CAPN7: variants seen among roughly 807,000 people sequenced by gnomAD.
CAPN7 encodes calpain-7.
CAPN7 carries 72 observed loss-of-function variants against 115.2 expected under a neutral mutation model. The ratio of observed to expected loss-of-function variants is 0.63; its 90% confidence interval spans 0.52 to 0.76. The LOEUF is 0.76. Among genes scored for constraint, CAPN7 ranks in the 30% least tolerant of loss-of-function variants. The probability of loss-of-function intolerance (pLI) is 0.00; values close to 1 mark genes in which losing one functional copy is unlikely to be tolerated. For synonymous variants in CAPN7, 344 were observed against 322.3 expected (o/e 1.07, Z -0.72); for missense variants, 905 against 971.5 (o/e 0.93, Z 0.91).
intron 2 of CAPN7, 32 bp downstream of exon 2, chr3:15,212,244 A>C: frequency 2.4e-6 from 3 of 1,258,860 alleles, no homozygotes; most frequent in African/African-American, 1.5e-5. Flanking sequence ...TTGTCACTCT[A>C]TTTTTTCTTT....
intron 2 of CAPN7, among the ~76,000 whole-genome samples, chr3:15,215,028 A>G (rs1189731056): frequency 6.6e-6 from 1 of 152,262 alleles, no homozygotes; most frequent in East Asian, 1.9e-4. Context: ...AGGCTGAGAA[A>G]CACTGGGCTA....
chr3:15,249,160 A>G (rs1242456362), intron 19 of CAPN7, among the ~76,000 whole-genome samples: 2 of 152,176 alleles, frequency 1.3e-5, no homozygotes, highest in East Asian at 1.9e-4. Context: ...CTATTTTTCC[A>G]CAAGAAAGTC....
At chr3:15,211,943 G>C (rs1028418974) in intron 1 of CAPN7, among the ~76,000 whole-genome samples, 161 bp from the exon 2 acceptor site, 11 of 152,030 alleles carry the variant, frequency 7.2e-5, no homozygotes, top group African/African-American at 2.7e-4. Context: ...GAAAACATTG[G>C]AAGATTGTAT....
chr3:15,241,733 C>T (rs1247745801), intron 15 of CAPN7, 145 bp downstream of exon 15: 2 of 655,192 alleles, frequency 3.1e-6, no homozygotes, highest in African/African-American at 1.8e-5. Flanking sequence ...GAATATTTTC[C>T]TCTAAGGAAA....
At chr3:15,237,426 T>G (rs1265132454) in intron 12 of CAPN7, among the ~76,000 whole-genome samples, 2 of 146,366 alleles carry the variant, frequency 1.4e-5, no homozygotes, top group Non-Finnish European at 2.9e-5. Flanking sequence ...CATTATATGG[T>G]GCATGACTGT....
At chr3:15,208,665 C>T (rs961913655) in intron 1 of CAPN7, among the ~76,000 whole-genome samples, 35 of 152,062 alleles carry the variant, frequency 2.3e-4, no homozygotes, top group Non-Finnish European at 3.5e-4. Context: ...TCATAAGTAA[C>T]GATGTAGTTC....
At chr3:15,218,331 G>A (rs1166946476) in intron 3 of CAPN7, 142 bp from the exon 4 acceptor site, 4 of 635,740 alleles carry the variant, frequency 6.3e-6, no homozygotes, top group Non-Finnish European at 1.1e-5. Flanking sequence ...ATACCTTTAA[G>A]GATGAGAATT....
At chr3:15,235,294 C>A in intron 12 of CAPN7, 149 bp downstream of exon 12, 1 of 643,904 alleles carries the variant, frequency 1.6e-6, no homozygotes, top group South Asian at 2.8e-5. Flanking sequence ...TGATCTCTAC[C>A]GTTGAAAATT....
At chr3:15,223,707 A>G (rs1694135518) in intron 6 of CAPN7, 146 bp downstream of exon 6, 4 of 598,894 alleles carry the variant, frequency 6.7e-6, no homozygotes. Flanking sequence ...ATAGGGCAAC[A>G]TAGCAAGAGC....
chr3:15,221,086 G>C (rs1693952907), intron 5 of CAPN7, 105 bp downstream of exon 5: 3 of 818,046 alleles, frequency 3.7e-6, no homozygotes, highest in Non-Finnish European at 6.0e-6. Context: ...CTCCTATAGT[G>C]TATTGTGCTG....
intron 1 of CAPN7, 136 bp downstream of exon 1, chr3:15,206,733 C>G (rs1160609783): frequency 1.5e-6 from 1 of 654,772 alleles, no homozygotes; most frequent in Non-Finnish European, 2.5e-6. Context: ...CCCGGCCCTC[C>G]TCTTGTTGGG....
chr3:15,249,654 C>G (rs1223893142), intron 19 of CAPN7, among the ~76,000 whole-genome samples: 3 of 152,104 alleles, frequency 2.0e-5, no homozygotes, highest in African/African-American at 7.2e-5. Flanking sequence ...TCTTTCCTTA[C>G]TGATTTGGAA....
At chr3:15,243,477 T>G (rs1054373773) in intron 16 of CAPN7, among the ~76,000 whole-genome samples, 1 of 152,070 alleles carries the variant, frequency 6.6e-6, no homozygotes, top group Non-Finnish European at 1.5e-5. Context: ...ACTGCATAAA[T>G]CACCTGTGAA....
chr3:15,212,275 C>A, intron 2 of CAPN7, 63 bp downstream of exon 2: 1 of 871,556 alleles, frequency 1.1e-6, no homozygotes. Flanking sequence ...TGTCTTTCCC[C>A]CATGTTTGTT....
intron 19 of CAPN7, among the ~76,000 whole-genome samples, chr3:15,248,320 A>G (rs1695794397): frequency 6.6e-6 from 1 of 152,258 alleles, no homozygotes; most frequent in Admixed American, 6.5e-5. Context: ...ATAGTCATAT[A>G]ATAGTCCTGA....
At chr3:15,229,153 G>A in intron 8 of CAPN7, 94 bp downstream of exon 8, 1 of 829,332 alleles carries the variant, frequency 1.2e-6, no homozygotes, top group South Asian at 1.6e-5. Flanking sequence ...AGTGGAGAGG[G>A]CATATCATTC....
rs1034936396 is a variant in CAPN7, at chr3:15,217,515, A to G, written c.302A>G (p.Asp101Gly). The change falls in exon 3 of 21, where the codon GAT becomes GGT. Residue 101 changes from aspartate (D) to glycine (G), a missense_variant. By Grantham distance (94) the Asp-to-Gly change is moderately conservative. Coordinates refer to ENST00000253693, the MANE Select transcript of CAPN7 (RefSeq NM_014296.3). ...CTTGTTACACAAGCTTTTGATGAAGATGAAAAAGAGAATGTTGAAGATGCT... is the reference window on the plus strand; with the variant it reads ...CTTGTTACACAAGCTTTTGATGAAGGTGAAAAAGAGAATGTTGAAGATGCT... ...HFLVTQAFDE[D>G]EKENVEDAIE... 1.1e-5 allele frequency: 17 copies of G among 1,613,946 alleles called. No individual in the cohort carries two copies. Among genetic ancestry groups the G allele is most frequent in the South Asian group, 4.4e-5 (4 of 91,068 alleles).
Position 15,240,612 on chromosome 3 carries a change from A to G in CAPN7, c.1547A>G (p.Asp516Gly). 1 of 1,593,426 alleles carries G rather than the reference A, an allele frequency of 6.3e-7. No homozygotes were observed. Among genetic ancestry groups the G allele is most frequent in the Non-Finnish European group, 8.5e-7 (1 of 1,174,422 alleles). ...GATCCCCGAACAGCTCAGAAAATAG[A>G]CAACGGTAAATATATCTTTTTAATT... ...NFDPRTAQKI[D>G]NGIFWISWDD... Residue 516 changes from aspartate (D) to glycine (G), a missense_variant, in exon 13 of 21, where the codon GAC (aspartate) becomes GGC (glycine). Transcript: ENST00000253693.
intron 6 of CAPN7, among the ~76,000 whole-genome samples, chr3:15,226,911 A>G (rs549921771): frequency 6.6e-6 from 1 of 151,982 alleles, no homozygotes; most frequent in Non-Finnish European, 1.5e-5. Context: ...TTCTATTACT[A>G]GGAAATCTTT....
Sources: gnomAD v4.1 joint callset for allele counts (sites outside exome capture counted in the v4.1 genomes callset) on GRCh38, gnomAD v4.1.1 for gene constraint, MANE v1.5 for transcripts, NCBI Gene and HGNC (gene_info 2026-07-23, HGNC 2026-07-21) for gene names.